Variants in ANKHD1 observed in about 807,000 individuals in gnomAD.
ANKHD1 encodes the protein ankyrin repeat and KH domain containing 1, also known as ankyrin repeat and KH domain-containing protein 1.
A neutral mutation model predicts 230.5 loss-of-function variants in ANKHD1; 31 were observed. That is an observed-to-expected ratio of 0.13 (90% CI 0.10 to 0.18). The LOEUF is 0.18. Ranked by LOEUF, ANKHD1 falls within the 10% of genes least tolerant of loss-of-function variation. ANKHD1 has a pLI of 1.00. For missense variants in ANKHD1, 2,256 were observed against 3,071.3 expected (o/e 0.73, Z 6.27); for synonymous variants, 1,074 against 1,117.6 (o/e 0.96, Z 0.78).
At chr5:140,464,179 C>G (rs1348312325) in intron 9 of ANKHD1, among the ~76,000 whole-genome samples, 1 of 150,854 alleles carries the variant, frequency 6.6e-6, no homozygotes, top group Non-Finnish European at 1.5e-5. Context: ...GAGGTTGCAG[C>G]TGAGTCATGC....
chr5:140,536,155 A>G (rs1456333936), intron 30 of ANKHD1, among the ~76,000 whole-genome samples: 1 of 152,194 alleles, frequency 6.6e-6, no homozygotes, highest in Non-Finnish European at 1.5e-5. Context: ...GTGCAGTGGC[A>G]CGATCTTGGT....
At chr5:140,493,478 G>A (rs564744313) in intron 14 of ANKHD1, among the ~76,000 whole-genome samples, 50 of 152,194 alleles carry the variant, frequency 3.3e-4, no homozygotes, top group African/African-American at 1.2e-3. Flanking sequence ...TTATTTTCTG[G>A]TATCTTATAA....
chr5:140,425,657 GA>G (rs1169610195), intron 1 of ANKHD1, among the ~76,000 whole-genome samples: 2 of 152,134 alleles, frequency 1.3e-5, no homozygotes, highest in African/African-American at 2.4e-5. Context: ...TTATGTTAAT[GA>G]ATATAGCCTT....
chr5:140,525,099 G>GAGTGA, intron 25 of ANKHD1: 1 of 154,650 alleles, frequency 6.5e-6, no homozygotes, highest in Non-Finnish European at 1.4e-5. Context: ...CTGGGTGACA[G>GAGTGA]GAGCAAAACT....
At chr5:140,504,620 A>G in intron 15 of ANKHD1, 1 of 675,732 alleles carries the variant, frequency 1.5e-6, no homozygotes, top group Non-Finnish European at 2.3e-6. Flanking sequence ...ATTGAAGCTC[A>G]GAGAAGTTAA....
At chr5:140,502,317 A>G (rs1159526853) in intron 15 of ANKHD1, among the ~76,000 whole-genome samples, 2 of 152,184 alleles carry the variant, frequency 1.3e-5, no homozygotes. Context: ...TCTGACTGTC[A>G]TTATTACATG....
rs936914134 is a variant in ANKHD1 at position 140,507,062 on chromosome 5, C to T, written c.3551+85C>T. The T allele has an allele frequency of 2.6e-6, 4 of 1,533,404 alleles. No homozygotes were observed. The highest frequency in any genetic ancestry group is 3.5e-6 in the Non-Finnish European group (4 of 1,146,644). 95.0% of individuals were successfully genotyped at this position (1,533,404 alleles called of 1,614,324 possible). The stretch of plus-strand genomic sequence containing the variant: ...CTACCTCTTAACGTTTAGACAGATA[C>T]ATTTTAAATTAAGATAGTACTAAAG... On this transcript the variant is annotated intron_variant, in intron 19 of 33. Coordinates refer to ENST00000360839, the MANE Select transcript of ANKHD1 (RefSeq NM_017747.3). The surrounding 1 kb of genome is among the most constrained non-coding windows in gnomAD (Gnocchi z 4.1).
chr5:140,532,666 T>A (rs1753885564), intron 29 of ANKHD1, among the ~76,000 whole-genome samples: 1 of 152,230 alleles, frequency 6.6e-6, no homozygotes, highest in South Asian at 2.1e-4. Flanking sequence ...TGCACAATTC[T>A]GTGAATATAC....
intron 1 of ANKHD1, among the ~76,000 whole-genome samples, chr5:140,414,758 G>A (rs569049458): frequency 6.6e-6 from 1 of 151,568 alleles, no homozygotes; most frequent in Non-Finnish European, 1.5e-5. Context: ...GCTTGGGCCT[G>A]TGTGGTCGAG....
chr5:140,500,828 C>T (rs887305301), intron 15 of ANKHD1, among the ~76,000 whole-genome samples: 4 of 151,694 alleles, frequency 2.6e-5, no homozygotes, highest in African/African-American at 4.8e-5. Flanking sequence ...CCTTAGACTT[C>T]GAAATTCTAT....
At chr5:140,489,683 TTTAG>T (rs1204181476) in intron 14 of ANKHD1, among the ~76,000 whole-genome samples, 4 of 152,224 alleles carry the variant, frequency 2.6e-5, no homozygotes, top group African/African-American at 9.6e-5. Flanking sequence ...TCTTGGATTA[TTTAG>T]TTATTTTCTG....
At chr5:140,452,125 AAC>A (rs1161520939) in intron 7 of ANKHD1, among the ~76,000 whole-genome samples, 2 of 152,182 alleles carry the variant, frequency 1.3e-5, no homozygotes, top group African/African-American at 2.4e-5. Flanking sequence ...CCTCATTGCT[AAC>A]ACAGCAGTCT....
At chr5:140,428,312 C>T (rs549329521) in intron 1 of ANKHD1, among the ~76,000 whole-genome samples, 1 of 151,690 alleles carries the variant, frequency 6.6e-6, no homozygotes, top group East Asian at 1.9e-4. Context: ...TGCAGCGAGC[C>T]GAGATCACGC....
intron 5 of ANKHD1, among the ~76,000 whole-genome samples, chr5:140,443,534 CA>C (rs1252360048): frequency 2.6e-5 from 4 of 151,600 alleles, no homozygotes; most frequent in Non-Finnish European, 5.9e-5. Context: ...ACTAAAAATG[CA>C]AAAAAATTAG....
chr5:140,517,211 A>G (rs1753064375), intron 24 of ANKHD1, among the ~76,000 whole-genome samples: 2 of 143,608 alleles, frequency 1.4e-5, no homozygotes, highest in Non-Finnish European at 3.0e-5. Flanking sequence ...ACATAATGGT[A>G]AAGGGATCAA....
chr5:140,402,198 C>T lies in ANKHD1; in HGVS notation c.231C>T (p.Phe77=). 1 of 1,525,094 alleles carries T rather than the reference C, an allele frequency of 6.6e-7. No homozygotes were observed. 94.5% of individuals were successfully genotyped at this position (1,525,094 alleles called of 1,614,324 possible). The change falls in exon 1 of 34, where the codon TTC becomes TTT. Residue 77 remains phenylalanine, a synonymous_variant. Transcript: ENST00000360839. ...GCGGAGGGGACGCGGCGCTGGATTTCAAGTTGGCGGCTGCCGTGCTGAGGA... is the reference window on the plus strand; with the variant it reads ...GCGGAGGGGACGCGGCGCTGGATTTTAAGTTGGCGGCTGCCGTGCTGAGGA... ...GTGGGDAALD[F]KLAAAVLRTG...
intron 6 of ANKHD1, among the ~76,000 whole-genome samples, chr5:140,447,619 A>G (rs936954684): frequency 1.3e-5 from 2 of 152,238 alleles, no homozygotes; most frequent in African/African-American, 2.4e-5. Flanking sequence ...CGATTTGAGC[A>G]AGAGAGAAAT....
rs185305424 is a variant in ANKHD1, at chr5:140,434,918, G to A, written c.307-1186G>A. On this transcript the variant is annotated intron_variant, in intron 1 of 33. Transcript: ENST00000360839. Reference sequence around the variant, plus strand: ...AGCTTTTTAAGGTATTTTGATACACGTTTCCAAATTGCTTCCCAGAAGGGT... The same window carrying A: ...AGCTTTTTAAGGTATTTTGATACACATTTCCAAATTGCTTCCCAGAAGGGT... Among the ~76,000 whole-genome samples the A allele has an allele frequency of 1.2e-3, 176 of 152,044 alleles. 1 individual carries two copies. Among genetic ancestry groups the A allele is most frequent in the African/African-American group, 3.3e-3 (136 of 41,462 alleles).
intron 1 of ANKHD1, among the ~76,000 whole-genome samples, chr5:140,427,416 G>C (rs1438190554): frequency 2.5e-5 from 3 of 121,252 alleles, no homozygotes; most frequent in Non-Finnish European, 5.2e-5. Flanking sequence ...CTGGCCGGGC[G>C]GGGGGCTGAC....
Sources: gnomAD v4.1 joint callset for allele counts (sites outside exome capture counted in the v4.1 genomes callset) on GRCh38, gnomAD v4.1.1 for gene constraint, Gnocchi (gnomAD v3.1) non-coding constraint, MANE v1.5 for transcripts, NCBI Gene and HGNC (gene_info 2026-07-23, HGNC 2026-07-21) for gene names.